The following BAZ2A variants were observed in gnomAD, a reference collection of about 807,000 sequenced individuals.
The protein encoded by BAZ2A is bromodomain adjacent to zinc finger domain 2A.
In BAZ2A, 34 loss-of-function variants were observed where a neutral mutation model predicts 199.9. That is an observed-to-expected ratio of 0.17 (90% CI 0.13 to 0.23). BAZ2A has a LOEUF of 0.23. Among genes scored for constraint, BAZ2A ranks in the 10% least tolerant of loss-of-function variants. The pLI, the probability that BAZ2A is intolerant of heterozygous loss-of-function variation, is 1.00. For missense variants in BAZ2A, 2,002 were observed against 2,391.1 expected (o/e 0.84, Z 3.39); for synonymous variants, 857 against 883.9 (o/e 0.97, Z 0.54).
chr12:56,603,401 A>G lies in BAZ2A; in HGVS notation c.3237T>C (p.Ser1079=), dbSNP rs1950242755. 3 of 1,613,952 alleles carry G rather than the reference A, an allele frequency of 1.9e-6. No individual in the cohort carries two copies. Among genetic ancestry groups the G allele is most frequent in the Non-Finnish European group, 2.5e-6 (3 of 1,179,910 alleles). The part of the protein sequence containing the change: ...RRDGEVDATA[S]SIPELERQIE... ...TCTGGCGCTCTAGCTCTGGGATGCT[A>G]GATGCTGTGGCATCAACCTAGGGAG... Residue 1079 remains serine (S), a synonymous_variant, in exon 18 of 29, where the codon TCT becomes TCC. Transcript: ENST00000549884.
At chr12:56,598,846 C>T (rs2242497) in intron 28 of BAZ2A, 22 bp downstream of exon 28, 5 of 1,604,470 alleles carry the variant, frequency 3.1e-6, no homozygotes, top group South Asian at 2.2e-5. Context: ...AAAGACCGGG[C>T]GGTTCACCCA....
chr12:56,600,561 AAAAC>A, intron 23 of BAZ2A, 71 bp from the exon 24 acceptor site: 1 of 1,574,966 alleles, frequency 6.3e-7, no homozygotes, highest in Middle Eastern at 1.7e-4. Context: ...AAAAAAAACA[AAAAC>A]AAGACCCACT....
intron 10 of BAZ2A, 51 bp from the exon 11 acceptor site, chr12:56,606,784 C>G: frequency 6.7e-7 from 1 of 1,500,058 alleles, no homozygotes; most frequent in East Asian, 2.3e-5. Context: ...AGGCAGTTCT[C>G]TAGCATCCAG....
In BAZ2A at chr12:56,636,000, A is replaced by C. The variant is rs1951439531; in HGVS notation, c.4+182T>G. Among the ~76,000 whole-genome samples the C allele has an allele frequency of 6.6e-6, 1 of 152,186 alleles. No individual in the cohort carries two copies. Among genetic ancestry groups the C allele is most frequent in the South Asian group, 2.1e-4 (1 of 4,830 alleles). ...TCTTCCTTAGAACTGGGGCTTGCCCATACTCAGGATCCCGTGGTCGGCAGC... is the reference window on the plus strand; with the variant it reads ...TCTTCCTTAGAACTGGGGCTTGCCCCTACTCAGGATCCCGTGGTCGGCAGC... On this transcript the variant is annotated intron_variant, in intron 1 of 29. Transcript: ENST00000379441. The surrounding 1 kb of genome is among the most constrained non-coding windows in gnomAD (Gnocchi z 4.1).
At position 56,599,736 on chromosome 12, in the gene BAZ2A, T is replaced by A. The variant is rs1225611577; in HGVS notation, c.5138A>T (p.Glu1713Val). 3.7e-6 allele frequency: 6 copies of A among 1,613,940 alleles called. No homozygotes were observed. In the South Asian group the frequency reaches 6.6e-5, roughly 18 times the overall value. ...CHRPKMEAVP[E>V]GDWFCTVCLA... ...ACAGACAGTACAGAACCAATCTCCT[T>A]CTGGGACAGCCTCCATCTTGGGACG... Residue 1713 changes from glutamate to valine, a missense_variant, in exon 26 of 29, where the codon GAA (glutamate) becomes GTA (valine). Glu to Val is a moderately radical substitution (Grantham distance 121). Around this residue, in one of 6 missense-constraint regions of BAZ2A, gnomAD observed 122 missense variants for 123.0 expected, o/e 0.99. Coordinates refer to ENST00000549884, the MANE Select transcript of BAZ2A (RefSeq NM_001300905.2).
At position 56,605,241 on chromosome 12, in the gene BAZ2A, A is replaced by T. The variant is rs1592568742; in HGVS notation, c.2580T>A (p.His860Gln). Residue 860 changes from histidine (H) to glutamine (Q), a missense_variant, in exon 14 of 29, where the codon CAT becomes CAA. Physicochemically the swap from His to Gln is conservative, Grantham distance 24. Around this residue, in one of 6 missense-constraint regions of BAZ2A, gnomAD observed 1,081 missense variants for 1,274.7 expected, o/e 0.85. Coordinates refer to ENST00000549884, the MANE Select transcript of BAZ2A (RefSeq NM_001300905.2). Reference sequence around the variant, plus strand: ...CAAAGCCCAGCACCTTGCCAAAGCTATGCAGGAACTCCACAATGGTCAAGC... The same window carrying T: ...CAAAGCCCAGCACCTTGCCAAAGCTTTGCAGGAACTCCACAATGGTCAAGC... ...SDCLTIVEFLHSFGKVLGFDP... is the reference protein window; with the variant it reads ...SDCLTIVEFLQSFGKVLGFDP... 1 of 1,613,844 alleles carries T rather than the reference A, an allele frequency of 6.2e-7. No individual in the cohort carries two copies.
intron 1 of BAZ2A, among the ~76,000 whole-genome samples, chr12:56,625,694 G>A (rs963876528): frequency 8.6e-5 from 13 of 151,510 alleles, no homozygotes; most frequent in African/African-American, 1.9e-4. Flanking sequence ...TGGCTAACAC[G>A]GTGAAACCCC....
At chr12:56,625,895 A>AC (rs966521015) in intron 1 of BAZ2A, among the ~76,000 whole-genome samples, 9 of 151,498 alleles carry the variant, frequency 5.9e-5, no homozygotes, top group African/African-American at 1.7e-4. Flanking sequence ...AAAAAAAAAA[A>AC]AACAACAACA....
intron 10 of BAZ2A, among the ~76,000 whole-genome samples, chr12:56,608,141 G>A (rs545852516): frequency 6.6e-6 from 1 of 151,612 alleles, no homozygotes; most frequent in South Asian, 2.1e-4. Context: ...GAGAGGTCGA[G>A]GTGGGCGGAT....
intron 1 of BAZ2A, chr12:56,621,377 G>C (rs1329413490): frequency 6.9e-6 from 4 of 577,822 alleles, no homozygotes; most frequent in Admixed American, 1.3e-4. Context: ...TTCTCCACCT[G>C]TCTCTTCTGA....
upstream of BAZ2A, among the ~76,000 whole-genome samples, chr12:56,634,657 G>A (rs939880720): frequency 6.6e-6 from 1 of 151,902 alleles, no homozygotes; most frequent in Non-Finnish European, 1.5e-5. Flanking sequence ...CCCAGACCGC[G>A]GGAGATTTTT....
upstream of BAZ2A, chr12:56,636,444 C>G: frequency 8.3e-7 from 1 of 1,199,650 alleles, no homozygotes; most frequent in Non-Finnish European, 1.1e-6. Context: ...GAGGCGAGGA[C>G]AGGGCAGACC....
rs563039958 is a variant in BAZ2A, at chr12:56,602,138, G to A, written c.3479C>T (p.Ala1160Val). 38 of 1,592,944 alleles carry A rather than the reference G, an allele frequency of 2.4e-5. No individual in the cohort carries two copies. Among genetic ancestry groups the A allele is most frequent in the East Asian group, 1.1e-4 (5 of 44,204 alleles). The change falls in exon 20 of 29, where the codon GCG (alanine) becomes GTG (valine). Residue 1160 changes from alanine (A) to valine (V), a missense_variant. By Grantham distance (64) the Ala-to-Val change is moderately conservative. This residue lies in a region of BAZ2A where 1,081 missense variants were observed against 1,274.7 expected (regional missense o/e 0.85). Transcript: ENST00000549884. ...AGAGAAGAGGGCAGGGTTGAGTGACGCATGGGCTGCCACTTTTAAGGAGTC... is the reference window on the plus strand; with the variant it reads ...AGAGAAGAGGGCAGGGTTGAGTGACACATGGGCTGCCACTTTTAAGGAGTC... ...ETDSLKVAAH[A>V]SLNPALFSMK...
intron 26 of BAZ2A, 36 bp from the exon 27 acceptor site, chr12:56,599,394 G>A: frequency 1.3e-6 from 2 of 1,584,618 alleles, no homozygotes; most frequent in Non-Finnish European, 1.7e-6. Context: ...AGCAACAGCT[G>A]GAGATGCACT....
Position 56,615,574 on chromosome 12 carries a change from G to C in BAZ2A, c.170C>G (p.Ser57Cys), listed in dbSNP as rs749573540. 4 of 1,609,308 alleles carry C rather than the reference G, an allele frequency of 2.5e-6. No homozygotes were observed. The highest frequency in any genetic ancestry group is 2.5e-6 in the Non-Finnish European group (3 of 1,177,460). The stretch of plus-strand genomic sequence containing the variant: ...TGAAGTAGTAGTGTGAGATACAGTA[G>C]ATAAGCCATTAACATTCACATCCCC... Reference protein sequence around the residue: ...LNGDVNVNGLSTVSHTTTSGI... With the variant: ...LNGDVNVNGLCTVSHTTTSGI... Residue 57 changes from serine to cysteine, a missense_variant, in exon 3 of 29, where the codon TCT (serine) becomes TGT (cysteine). Physicochemically the swap from Ser to Cys is moderately radical, Grantham distance 112. Coordinates refer to ENST00000549884, the MANE Select transcript of BAZ2A (RefSeq NM_001300905.2).
In BAZ2A at chr12:56,600,042, G is replaced by A. The variant is rs1886284244; in HGVS notation, c.4947C>T (p.Cys1649=). The A allele has an allele frequency of 1.9e-6, 3 of 1,614,022 alleles. No individual in the cohort carries two copies. In the East Asian group the frequency reaches 6.7e-5, roughly 36 times the overall value. ...IRVWRQTLER[C]RSAAQVCLCL... ...ACAAGCACACCTGGGCTGCGCTCCG[G>A]CACCGCTCGAGGGTCTGGCGCCAGA... is the stretch of plus-strand genomic sequence containing the variant. The change falls in exon 25 of 29, where the codon TGC becomes TGT. Residue 1649 remains cysteine, a synonymous_variant. Coordinates refer to ENST00000549884, the MANE Select transcript of BAZ2A (RefSeq NM_001300905.2).
At position 56,612,126 on chromosome 12, in the gene BAZ2A, A is replaced by G. The variant is rs906468199; in HGVS notation, c.1256T>C (p.Leu419Pro). ...PAPDQSSTIQ[L>P]HPATSPAVSP... ...GACTGCTGGTGAGGTTGCTGGATGT[A>G]GCTGAATAGTGGATGACTGATCAGG... Residue 419 changes from leucine (L) to proline (P), a missense_variant, in exon 6 of 29, where the codon CTA (leucine) becomes CCA (proline). Coordinates refer to ENST00000549884, the MANE Select transcript of BAZ2A (RefSeq NM_001300905.2). 3.7e-6 allele frequency: 6 copies of G among 1,613,832 alleles called. No individual in the cohort carries two copies. The highest frequency in any genetic ancestry group is 2.2e-5 in the East Asian group (1 of 44,898).
At chr12:56,636,564 A>C (rs1951453049), upstream of BAZ2A, among the ~76,000 whole-genome samples, 1 of 151,992 alleles carries the variant, frequency 6.6e-6, no homozygotes, top group African/African-American at 2.4e-5. Context: ...TGAGAGGGAG[A>C]AGGTTCTCGA....
chr12:56,599,764 G>A lies in BAZ2A; in HGVS notation c.5110C>T (p.His1704Tyr). ...GCDRGCHIYC[H>Y]RPKMEAVPEG... ...GGGACAGCCTCCATCTTGGGACGAT[G>A]GCAGTAAATGTGGCAGCCACGGTCA... is the stretch of plus-strand genomic sequence containing the variant. The change falls in exon 26 of 29, where the codon CAT becomes TAT. Residue 1704 changes from histidine (H) to tyrosine (Y), a missense_variant. Coordinates refer to ENST00000549884, the MANE Select transcript of BAZ2A (RefSeq NM_001300905.2). The A allele has an allele frequency of 1.9e-6, 3 of 1,614,002 alleles. No individual in the cohort carries two copies. The highest frequency in any genetic ancestry group is 2.5e-6 in the Non-Finnish European group (3 of 1,179,886).
Sources: allele counts gnomAD v4.1 joint callset (sites outside exome capture counted in the v4.1 genomes callset), GRCh38; gene constraint gnomAD v4.1.1; regional missense constraint gnomAD v4.1.1; non-coding constraint Gnocchi (gnomAD v3.1); transcripts MANE v1.5; gene names NCBI Gene and HGNC (gene_info 2026-07-23, HGNC 2026-07-21).